Variants in STIP1 observed in about 807,000 individuals in gnomAD.
STIP1 encodes the protein stress induced phosphoprotein 1.
Under a neutral mutation model 77.4 loss-of-function variants are expected in STIP1, and 16 were observed. The ratio of observed to expected loss-of-function variants is 0.21; its 90% CI spans 0.14 to 0.31. The LOEUF (loss-of-function observed/expected upper bound fraction) is 0.31. Ranked by LOEUF, STIP1 falls within the 10% of genes least tolerant of loss-of-function variation. STIP1 has a pLI of 1.00. For missense variants in STIP1, 524 were observed against 684.8 expected, an observed-to-expected ratio of 0.77 and a Z score of 2.62; for synonymous variants, 258 against 246.6, an observed-to-expected ratio of 1.05 and a Z score of -0.44.
rs1399932631 is a variant in STIP1 at position 64,193,385 on chromosome 11, AC to A, written c.219+100del. The A allele has an allele frequency of 4.9e-6, 5 of 1,027,274 alleles. No individual in the cohort carries two copies. The East Asian group carries it at 1.0e-4, about 21-fold the overall frequency. 63.6% of individuals were successfully genotyped at this position (1,027,274 alleles called of 1,614,324 possible). ...TACCTGTCCTGATACACTGATAGTTACCTACCCACCTCCCTGTTTGAGTATC... is the reference window on the plus strand; with the variant it reads ...TACCTGTCCTGATACACTGATAGTTACTACCCACCTCCCTGTTTGAGTATC... On this transcript the variant is annotated intron_variant, in intron 2 of 13. Coordinates refer to ENST00000305218, the MANE Select transcript of STIP1 (RefSeq NM_006819.3).
chr11:64,203,112 T>A lies in STIP1; in HGVS notation c.1283-13T>A, dbSNP rs765000495. On this transcript the variant is annotated splice_polypyrimidine_tract_variant and intron_variant, in intron 11 of 13. Transcript: ENST00000305218. ...GCTGCGGTTGGATAACGCGCCACCT[T>A]TCCTGTTTGTAGTCAAGGGTTATAC... 18 of 1,614,066 alleles carry A rather than the reference T, an allele frequency of 1.1e-5. No homozygotes were observed. In the African/African-American group the frequency reaches 2.4e-4, roughly 22 times the overall value.
At chr11:64,192,945 CG>C (rs1465710816) in intron 1 of STIP1, 132 bp from the exon 2 acceptor site, 12 of 845,668 alleles carry the variant, frequency 1.4e-5, no homozygotes, top group Non-Finnish European at 2.0e-5. Flanking sequence ...ATAAATGAAC[CG>C]GTTTTCTCTC....
chr11:64,198,497 G>A (rs1478528172), intron 8 of STIP1, among the ~76,000 whole-genome samples: 2 of 151,956 alleles, frequency 1.3e-5, no homozygotes, highest in Non-Finnish European at 1.5e-5. Context: ...AGGCCACTGC[G>A]CCTGGCCACG....
rs1487137244 is a variant in STIP1, at chr11:64,203,192, G to A, written c.1350G>A (p.Val450=). 1 of 1,614,086 alleles carries A rather than the reference G, an allele frequency of 6.2e-7. No individual in the cohort carries two copies. The highest frequency in any genetic ancestry group is 2.2e-5 in the East Asian group (1 of 44,902). The change falls in exon 12 of 14, where the codon GTG becomes GTA. Residue 450 remains valine (V), a synonymous_variant. Coordinates refer to ENST00000305218, the MANE Select transcript of STIP1 (RefSeq NM_006819.3). ...AGGACTACACCAAAGCCATGGATGT[G>A]TACCAGAAGGCGCTAGACCTGGACT... is the stretch of plus-strand genomic sequence containing the variant. ...AMKDYTKAMD[V]YQKALDLDSS... is the part of the protein sequence containing the mutation.
chr11:64,197,171 A>G (rs756969602), intron 5 of STIP1, 100 bp from the exon 6 acceptor site: 2 of 1,501,532 alleles, frequency 1.3e-6, no homozygotes, highest in Non-Finnish European at 1.8e-6. Flanking sequence ...ATAGAATTCT[A>G]TTCATGTTAG....
intron 4 of STIP1, among the ~76,000 whole-genome samples, 178 bp downstream of exon 4, chr11:64,194,798 T>C (rs1946130314): frequency 6.6e-6 from 1 of 152,192 alleles, no homozygotes; most frequent in South Asian, 2.1e-4. Flanking sequence ...CAGGGGAGCA[T>C]ATTTCACAGT....
chr11:64,194,508 C>A lies in STIP1; in HGVS notation c.391C>A (p.Pro131Thr). ...AAAATTCATGAACCCTTTCAACATG[C>A]CTAATCTGTATCAGAAGTTGGAGAG... Reference protein sequence around the residue: ...ERKFMNPFNMPNLYQKLESDP... With the variant: ...ERKFMNPFNMTNLYQKLESDP... The change falls in exon 4 of 14, where the codon CCT becomes ACT. Residue 131 changes from proline (P) to threonine (T), a missense_variant. By Grantham distance (38) the Pro-to-Thr change is conservative. Transcript: ENST00000305218. The A allele has an allele frequency of 1.2e-6, 2 of 1,614,114 alleles. No homozygotes were observed. Among genetic ancestry groups the A allele is most frequent in the Non-Finnish European group, 8.5e-7 (1 of 1,180,012 alleles).
intron 1 of STIP1, among the ~76,000 whole-genome samples, chr11:64,191,006 G>A (rs1413974651): frequency 2.0e-5 from 3 of 151,870 alleles, no homozygotes; most frequent in Non-Finnish European, 2.9e-5. Context: ...TGACCAACAT[G>A]GAGAAACCCC....
chr11:64,187,023 G>A (rs1363748797), intron 1 of STIP1, among the ~76,000 whole-genome samples: 4 of 152,154 alleles, frequency 2.6e-5, no homozygotes, highest in African/African-American at 7.2e-5. Flanking sequence ...AGTGACCGAG[G>A]ACCAACACTT....
chr11:64,203,148 G>A lies in STIP1; in HGVS notation c.1306G>A (p.Ala436Thr), dbSNP rs1200556411. The A allele has an allele frequency of 1.2e-6, 2 of 1,614,212 alleles. No homozygotes were observed. Among genetic ancestry groups the A allele is most frequent in the South Asian group, 1.1e-5 (1 of 91,082 alleles). ...AGTCAAGGGTTATACACGGAAAGCC[G>A]CTGCGCTGGAAGCGATGAAGGACTA... The part of the protein sequence containing the change: ...TFIKGYTRKA[A>T]ALEAMKDYTK... Residue 436 changes from alanine to threonine, a missense_variant, in exon 12 of 14, where the codon GCT becomes ACT. By Grantham distance (58) the Ala-to-Thr change is moderately conservative (BLOSUM62 0). Coordinates refer to ENST00000305218, the MANE Select transcript of STIP1 (RefSeq NM_006819.3).
At chr11:64,203,676 G>A (rs776497011) in intron 13 of STIP1, 54 bp downstream of exon 13, 3 of 1,610,334 alleles carry the variant, frequency 1.9e-6, no homozygotes, top group Non-Finnish European at 2.5e-6. Flanking sequence ...AAAGCAGGCA[G>A]ATGAGTGCAC....
intron 2 of STIP1, chr11:64,193,510 G>A (rs1946115047): frequency 5.5e-6 from 3 of 543,540 alleles, no homozygotes; most frequent in Admixed American, 3.1e-5. Flanking sequence ...AGGGCTGGGC[G>A]CGGTGACGCA....
chr11:64,195,717 G>A lies in STIP1; in HGVS notation c.576G>A (p.Glu192=). 2 of 1,614,102 alleles carry A rather than the reference G, an allele frequency of 1.2e-6. No homozygotes were observed. The highest frequency in any genetic ancestry group is 1.7e-6 in the Non-Finnish European group (2 of 1,180,032). The part of the protein sequence containing the change: ...LLGVDLGSMD[E]EEEIATPPPP... ...GGGTCGATCTGGGCAGTATGGATGA[G>A]GAGGAAGAGATTGCAACACCTCCAC... Residue 192 remains glutamate (E), a synonymous_variant, in exon 5 of 14, where the codon GAG becomes GAA. Transcript: ENST00000305218.
At chr11:64,191,187 C>CAA (rs756671182) in intron 1 of STIP1, among the ~76,000 whole-genome samples, 11 of 73,450 alleles carry the variant, frequency 1.5e-4, no homozygotes, top group South Asian at 4.8e-4. Context: ...AACTCTGTCT[C>CAA]AAAAAAAAAA....
At chr11:64,190,567 A>G (rs1035411108) in intron 1 of STIP1, among the ~76,000 whole-genome samples, 1 of 152,186 alleles carries the variant, frequency 6.6e-6, no homozygotes, top group African/African-American at 2.4e-5. Flanking sequence ...TACCCGCCTC[A>G]GCTTCCCAAA....
intron 1 of STIP1, among the ~76,000 whole-genome samples, chr11:64,189,811 C>T (rs1475914619): frequency 6.6e-6 from 1 of 152,170 alleles, no homozygotes; most frequent in Non-Finnish European, 1.5e-5. Context: ...TAGGCAGGAA[C>T]TTCACCAGCT....
Position 64,197,878 on chromosome 11 carries a change from C to T in STIP1, c.927C>T (p.Ser309=). 1 of 1,612,228 alleles carries T rather than the reference C, an allele frequency of 6.2e-7. No individual in the cohort carries two copies. Among genetic ancestry groups the T allele is most frequent in the Non-Finnish European group, 8.5e-7 (1 of 1,179,816 alleles). ...GAGCATATGCTCGAATTGGCAACTCCTACTTCAAAGAAGAAAAGTACAAGG... is the reference window on the plus strand; with the variant it reads ...GAGCATATGCTCGAATTGGCAACTCTTACTTCAAAGAAGAAAAGTACAAGG... ...IAKAYARIGN[S]YFKEEKYKDA... is the part of the protein sequence containing the mutation. The change falls in exon 8 of 14, where the codon TCC becomes TCT. Residue 309 remains serine (S), a synonymous_variant. Transcript: ENST00000305218.
chr11:64,195,636 C>T lies in STIP1; in HGVS notation c.504-9C>T, dbSNP rs780999159. 9 of 1,576,388 alleles carry T rather than the reference C, an allele frequency of 5.7e-6. No individual in the cohort carries two copies. The highest frequency in any genetic ancestry group is 7.7e-6 in the Non-Finnish European group (9 of 1,165,476). On this transcript the variant is annotated splice_polypyrimidine_tract_variant and intron_variant, in intron 4 of 13. Coordinates refer to ENST00000305218, the MANE Select transcript of STIP1 (RefSeq NM_006819.3). ...ACAATTTTTCTTTATTTTTTTAAAT[C>T]AATACTAGGAAACTACAAGATCCCC...
At chr11:64,188,004 C>A (rs1216523008) in intron 1 of STIP1, among the ~76,000 whole-genome samples, 1 of 147,206 alleles carries the variant, frequency 6.8e-6, no homozygotes, top group East Asian at 2.0e-4. Flanking sequence ...CTCCGTCTCC[C>A]TCCAGCCTGG....
Sources: allele counts gnomAD v4.1 joint callset (sites outside exome capture counted in the v4.1 genomes callset), GRCh38; gene constraint gnomAD v4.1.1; transcripts MANE v1.5; gene names NCBI Gene and HGNC (gene_info 2026-07-23, HGNC 2026-07-21).